Variants in AP4E1 observed in about 807,000 individuals in gnomAD.
AP4E1 encodes adaptor related protein complex 4 subunit epsilon 1, also known as AP-4 complex subunit epsilon-1.
AP4E1 carries 56 observed loss-of-function variants against 128.2 expected under a neutral mutation model. The observed-to-expected ratio is 0.44, with a 90% CI of 0.35 to 0.55. The LOEUF (loss-of-function observed/expected upper bound fraction) is 0.55, where lower values mean the gene tolerates loss of function less well. Among genes scored for constraint, AP4E1 ranks in the 20% least tolerant of loss-of-function variants. AP4E1 has a pLI of 0.00. For synonymous variants in AP4E1, 484 were observed against 473.1 expected (o/e 1.02, Z -0.30); for missense variants, 1,324 against 1,307.7 (o/e 1.01, Z -0.19).
At chr15:50,974,689 T>C (rs2064528245) in intron 15 of AP4E1, among the ~76,000 whole-genome samples, 1 of 152,206 alleles carries the variant, frequency 6.6e-6, no homozygotes, top group Non-Finnish European at 1.5e-5. Context: ...ACGTTATGTT[T>C]TCTTTTCTTT....
At chr15:50,911,999 A>T in intron 1 of AP4E1, 79 bp from the exon 2 acceptor site, 1 of 1,080,756 alleles carries the variant, frequency 9.3e-7, no homozygotes, top group Non-Finnish European at 1.4e-6. Flanking sequence ...ATTGTAAATT[A>T]TATTTTTCCG....
intron 16 of AP4E1, among the ~76,000 whole-genome samples, chr15:50,991,311 A>G (rs2064804339): frequency 6.6e-6 from 1 of 152,240 alleles, no homozygotes; most frequent in Non-Finnish European, 1.5e-5. Flanking sequence ...ATCATGGATT[A>G]GTAAAATTTA....
intron 14 of AP4E1, among the ~76,000 whole-genome samples, chr15:50,959,555 A>G (rs947918207): frequency 6.6e-6 from 1 of 152,210 alleles, no homozygotes; most frequent in African/African-American, 2.4e-5. Flanking sequence ...CCCTAAAAGA[A>G]ATGTTTGAGG....
chr15:50,995,381 C>T (rs1246135459), intron 17 of AP4E1, among the ~76,000 whole-genome samples: 1 of 149,194 alleles, frequency 6.7e-6, no homozygotes. Flanking sequence ...TTTTTTCACC[C>T]TTGGCTTATT....
intron 8 of AP4E1, among the ~76,000 whole-genome samples, chr15:50,937,637 A>AG (rs751036065): frequency 6.6e-6 from 1 of 152,250 alleles, no homozygotes; most frequent in Non-Finnish European, 1.5e-5. Flanking sequence ...GAGATCATTA[A>AG]GGGCCTGAGG....
At chr15:50,990,346 T>TATTATTATTATTATTATC (rs1372816094) in intron 16 of AP4E1, among the ~76,000 whole-genome samples, 8 of 144,106 alleles carry the variant, frequency 5.6e-5, no homozygotes, top group African/African-American at 7.8e-5. Context: ...TTATTTAATT[T>TATTATTATTATTATTATC]ATTATTATTA....
intron 10 of AP4E1, chr15:50,944,698 A>G: frequency 2.0e-6 from 1 of 488,920 alleles, no homozygotes; most frequent in East Asian, 3.5e-5. Flanking sequence ...CTGGACAATT[A>G]TGTCTGTGAA....
chr15:50,934,537 T>A, intron 7 of AP4E1, 87 bp from the exon 8 acceptor site: 1 of 821,184 alleles, frequency 1.2e-6, no homozygotes, highest in South Asian at 1.5e-5. Context: ...CTTCTGTAGA[T>A]CCTCAGTTTT....
In AP4E1 at chr15:50,997,841, G is replaced by C. The variant is rs752289823; in HGVS notation, c.2862G>C (p.Leu954Phe). The C allele has an allele frequency of 8.1e-6, 13 of 1,598,546 alleles. No homozygotes were observed. The East Asian group carries it at 9.0e-5, about 11-fold the overall frequency. ...WSVTNKSGLE[L>F]KSADLEIFPA... ...TCACTAATAAGAGTGGTTTGGAATT[G>C]AAAAGTGCTGACTTAGAAATTTTTC... Residue 954 changes from leucine (L) to phenylalanine (F), a missense_variant, in exon 18 of 21, where the codon TTG becomes TTC. Leu to Phe is a conservative substitution (Grantham distance 22, BLOSUM62 0). Coordinates refer to ENST00000261842, the MANE Select transcript of AP4E1 (RefSeq NM_007347.5).
chr15:50,918,335 C>G (rs754060104), intron 3 of AP4E1, among the ~76,000 whole-genome samples: 2 of 152,090 alleles, frequency 1.3e-5, no homozygotes, highest in Non-Finnish European at 2.9e-5. Flanking sequence ...TTGCTTTGGT[C>G]CTGCCATTTT....
intron 14 of AP4E1, among the ~76,000 whole-genome samples, chr15:50,966,637 A>C (rs756199944): frequency 6.7e-6 from 1 of 148,888 alleles, no homozygotes. Context: ...CCCAGGTTTC[A>C]AGTGATTCTC....
intron 15 of AP4E1, among the ~76,000 whole-genome samples, chr15:50,974,743 G>A (rs949169795): frequency 2.6e-5 from 4 of 151,858 alleles, no homozygotes; most frequent in African/African-American, 7.3e-5. Context: ...CCTTATTATG[G>A]TTTCAGTTTG....
intron 16 of AP4E1, among the ~76,000 whole-genome samples, chr15:50,989,869 A>G (rs2064780593): frequency 6.6e-6 from 1 of 152,170 alleles, no homozygotes; most frequent in African/African-American, 2.4e-5. Flanking sequence ...AAGATAAGGG[A>G]TGAATTTAAA....
intron 8 of AP4E1, among the ~76,000 whole-genome samples, chr15:50,936,578 TG>T (rs2063911159): frequency 6.6e-6 from 1 of 152,142 alleles, no homozygotes; most frequent in African/African-American, 2.4e-5. Flanking sequence ...CCGTTCCTTT[TG>T]ATTTGGAGAA....
chr15:50,940,420 T>C (rs2063969552), intron 8 of AP4E1, among the ~76,000 whole-genome samples: 1 of 152,196 alleles, frequency 6.6e-6, no homozygotes, highest in African/African-American at 2.4e-5. Flanking sequence ...ACAAAATTTA[T>C]TTGTGCATTA....
chr15:50,948,695 G>A (rs543099412), intron 11 of AP4E1, among the ~76,000 whole-genome samples: 7 of 152,232 alleles, frequency 4.6e-5, no homozygotes, highest in Admixed American at 3.9e-4. Flanking sequence ...TGTTTAGGCC[G>A]GGCACAGTGG....
rs528389488 is a variant in AP4E1 at position 50,977,478 on chromosome 15, C to A, written c.1967-6544C>A. ...TCTCTCCTCCCAAATCTGTGTGCTT[C>A]AAAAGTCCTTTAAAGCAAAACTGAA... On this transcript the variant is annotated intron_variant, in intron 15 of 20. Transcript: ENST00000261842. Among the ~76,000 whole-genome samples the A allele has an allele frequency of 8.2e-4, 124 of 152,088 alleles. 1 individual carries two copies. The highest frequency in any genetic ancestry group is 2.9e-3 in the African/African-American group (119 of 41,472).
In AP4E1 at chr15:50,958,611, T is replaced by C. The variant is rs1470292164; in HGVS notation, c.1668T>C (p.Ala556=). The C allele has an allele frequency of 1.9e-6, 3 of 1,614,194 alleles. No homozygotes were observed. The highest frequency in any genetic ancestry group is 1.7e-6 in the Non-Finnish European group (2 of 1,180,014). ...CAGAAACAAAAGCCTGGTTAATTGC[T>C]GCTGTGACCAAATTGACATCTCAGG... ...VSSETKAWLI[A]AVTKLTSQAH... The change falls in exon 14 of 21, where the codon GCT becomes GCC. Residue 556 remains alanine, a synonymous_variant. Coordinates refer to ENST00000261842, the MANE Select transcript of AP4E1 (RefSeq NM_007347.5).
chr15:50,928,874 C>G (rs945044375), intron 5 of AP4E1, 135 bp from the exon 6 acceptor site: 1 of 872,188 alleles, frequency 1.1e-6, no homozygotes, highest in Non-Finnish European at 1.8e-6. Flanking sequence ...AAATTAATCA[C>G]AAATGTATAG....
Sources: gnomAD v4.1 joint callset for allele counts (sites outside exome capture counted in the v4.1 genomes callset) on GRCh38, gnomAD v4.1.1 for gene constraint, MANE v1.5 for transcripts, NCBI Gene and HGNC (gene_info 2026-07-23, HGNC 2026-07-21) for gene names.